Variants in THSD4 observed in about 807,000 individuals in gnomAD.
THSD4 encodes thrombospondin type-1 domain-containing protein 4.
THSD4 carries 69 observed loss-of-function variants against 119.0 expected under a neutral mutation model. The ratio of observed to expected loss-of-function variants is 0.58; its 90% confidence interval spans 0.48 to 0.71. THSD4 has a LOEUF of 0.71. Ranked by LOEUF, THSD4 falls within the 30% of genes least tolerant of loss-of-function variation. The probability of loss-of-function intolerance (pLI) is 0.00; values close to 1 mark genes in which losing one functional copy is unlikely to be tolerated. For missense variants in THSD4, 1,393 were observed against 1,391.1 expected, an observed-to-expected ratio of 1.00 and a Z score of -0.02; for synonymous variants, 524 against 540.4, an observed-to-expected ratio of 0.97 and a Z score of 0.42.
At chr15:71,221,348 C>A (rs2043974450) in intron 4 of THSD4, among the ~76,000 whole-genome samples, 1 of 152,206 alleles carries the variant, frequency 6.6e-6, no homozygotes, top group African/African-American at 2.4e-5. Context: ...TATATTCATA[C>A]TGTTACGCTA....
chr15:71,101,726 T>C (rs561517374), intron 1 of THSD4, among the ~76,000 whole-genome samples: 5 of 151,894 alleles, frequency 3.3e-5, no homozygotes, highest in African/African-American at 4.8e-5. Context: ...TTTATTTTTT[T>C]TTTTTGAGAC....
chr15:71,740,028 G>A (rs1241560446), intron 11 of THSD4, among the ~76,000 whole-genome samples: 2 of 152,032 alleles, frequency 1.3e-5, no homozygotes, highest in Admixed American at 1.3e-4. Flanking sequence ...GGGGGCTGGA[G>A]CTTTTCCTGC....
At chr15:71,493,135 T>C (rs2047948613) in intron 7 of THSD4, among the ~76,000 whole-genome samples, 1 of 152,176 alleles carries the variant, frequency 6.6e-6, no homozygotes, top group Non-Finnish European at 1.5e-5. Context: ...GGGAAGACTT[T>C]AGTAAGGTTG....
chr15:71,342,113 T>C (rs1283237029), intron 6 of THSD4, among the ~76,000 whole-genome samples: 1 of 149,374 alleles, frequency 6.7e-6, no homozygotes, highest in Non-Finnish European at 1.5e-5. Flanking sequence ...ATACATCCTT[T>C]GATTGACTGA....
intron 8 of THSD4, among the ~76,000 whole-genome samples, chr15:71,710,377 A>T (rs1190314072): frequency 6.6e-6 from 1 of 152,240 alleles, no homozygotes; most frequent in African/African-American, 2.4e-5. Context: ...TTTCTTACTC[A>T]GCCATCTGTA....
chr15:71,253,836 CCT>C (rs994187131), intron 5 of THSD4, among the ~76,000 whole-genome samples: 1 of 152,128 alleles, frequency 6.6e-6, no homozygotes, highest in African/African-American at 2.4e-5. Flanking sequence ...ACACTTTTAA[CCT>C]CTCTCTGTGT....
At chr15:71,748,905 A>T (rs1483808896) in intron 14 of THSD4, among the ~76,000 whole-genome samples, 1 of 152,178 alleles carries the variant, frequency 6.6e-6, no homozygotes, top group Non-Finnish European at 1.5e-5. Context: ...CTGGTGTCTC[A>T]TAGACACTCA....
chr15:71,611,278 T>C (rs1301459734), intron 7 of THSD4, among the ~76,000 whole-genome samples: 1 of 152,234 alleles, frequency 6.6e-6, no homozygotes, highest in East Asian at 1.9e-4. Flanking sequence ...GCTATGCTGG[T>C]CTTCTCTTTT....
At chr15:71,638,002 C>T (rs1301026923) in intron 7 of THSD4, among the ~76,000 whole-genome samples, 1 of 152,162 alleles carries the variant, frequency 6.6e-6, no homozygotes, top group African/African-American at 2.4e-5. Context: ...GCTGGGATTA[C>T]AGGTGTGAGC....
chr15:71,356,279 C>T (rs1278405941), intron 6 of THSD4, among the ~76,000 whole-genome samples: 1 of 152,194 alleles, frequency 6.6e-6, no homozygotes, highest in Non-Finnish European at 1.5e-5. Flanking sequence ...GCTTCTGGGG[C>T]CCGAAGCCCT....
intron 4 of THSD4, among the ~76,000 whole-genome samples, chr15:71,233,313 C>T (rs1211252772): frequency 6.6e-6 from 1 of 152,152 alleles, no homozygotes; most frequent in Admixed American, 6.5e-5. Context: ...GCTTACACAG[C>T]AGTATGAAAG....
In THSD4 at chr15:71,781,707, AG is replaced by A. The variant is rs1164302631; in HGVS notation, c.*4334del. 6.6e-6 allele frequency: 1 copy of A among 152,256 alleles called. No individual in the cohort carries two copies. Among genetic ancestry groups the A allele is most frequent in the Non-Finnish European group, 1.5e-5 (1 of 68,126 alleles). The allele number at this position is 152,256 out of a possible 1,614,324, so 9.4% of individuals were successfully genotyped here. ...CTTTTCACAAGTTGGAGCCTTCCAG[AG>A]ATAGAGGGACTGTGGTAGGTGGTGA... On this transcript the variant is annotated 3_prime_UTR_variant, in exon 18 of 18. Transcript: ENST00000261862.
intron 1 of THSD4, among the ~76,000 whole-genome samples, chr15:71,134,187 T>G (rs2040528596): frequency 6.6e-6 from 1 of 152,232 alleles, no homozygotes; most frequent in African/African-American, 2.4e-5. Flanking sequence ...GAGAAAGGAC[T>G]GTGAGCCAAG....
intron 7 of THSD4, among the ~76,000 whole-genome samples, chr15:71,514,589 A>T (rs2048329629): frequency 6.6e-6 from 1 of 152,188 alleles, no homozygotes; most frequent in Admixed American, 6.5e-5. Flanking sequence ...TGCTGAGTAA[A>T]CAATAAACTT....
rs1429062481 is a variant in THSD4, at chr15:71,731,116, A to G, written c.1534-5A>G. On this transcript the variant is annotated splice_polypyrimidine_tract_variant and splice_region_variant and intron_variant, in intron 9 of 17. Coordinates refer to ENST00000261862, the MANE Select transcript of THSD4 (RefSeq NM_024817.3). Reference sequence around the variant, plus strand: ...GTGCGGTAACACTGATTTTTGTGTCAGCAGATGATACACCAGCAGCCAAAC... The same window carrying G: ...GTGCGGTAACACTGATTTTTGTGTCGGCAGATGATACACCAGCAGCCAAAC... 15 of 1,613,986 alleles carry G rather than the reference A, an allele frequency of 9.3e-6. No individual in the cohort carries two copies. The highest frequency in any genetic ancestry group is 1.2e-5 in the Non-Finnish European group (14 of 1,179,980).
chr15:71,493,854 AAGGGC>A (rs2047965287), intron 7 of THSD4, among the ~76,000 whole-genome samples: 1 of 152,234 alleles, frequency 6.6e-6, no homozygotes, highest in Non-Finnish European at 1.5e-5. Flanking sequence ...CTGGGGCAAG[AAGGGC>A]TCAGAGTGGT....
intron 8 of THSD4, among the ~76,000 whole-genome samples, chr15:71,662,053 A>G (rs577338621): frequency 6.6e-6 from 1 of 152,254 alleles, no homozygotes; most frequent in East Asian, 1.9e-4. Context: ...CTGTCAAGAG[A>G]TGATACCCAT....
chr15:71,487,554 A>G (rs186507804), intron 7 of THSD4, among the ~76,000 whole-genome samples: 2 of 152,326 alleles, frequency 1.3e-5, no homozygotes, highest in East Asian at 3.9e-4. Flanking sequence ...AACATGGTAT[A>G]GAAAAAAATC....
chr15:71,304,044 C>A (rs1359369527), intron 6 of THSD4, among the ~76,000 whole-genome samples: 1 of 152,194 alleles, frequency 6.6e-6, no homozygotes, highest in African/African-American at 2.4e-5. Flanking sequence ...AGCTAATGGG[C>A]AGAACTGGCT....
Sources: gnomAD v4.1 joint callset for allele counts (sites outside exome capture counted in the v4.1 genomes callset) on GRCh38, gnomAD v4.1.1 for gene constraint, MANE v1.5 for transcripts, NCBI Gene and HGNC (gene_info 2026-07-23, HGNC 2026-07-21) for gene names.